KIF26B: variants seen among roughly 807,000 people sequenced by gnomAD.
KIF26B encodes the protein kinesin-like protein KIF26B.
In KIF26B, 63 loss-of-function variants were observed where a neutral mutation model predicts 151.2. The ratio of observed to expected loss-of-function variants is 0.42; its 90% CI spans 0.34 to 0.51. The LOEUF (loss-of-function observed/expected upper bound fraction) is 0.51, where lower values mean the gene tolerates loss of function less well. Ranked by LOEUF, KIF26B falls within the 20% of genes least tolerant of loss-of-function variation. The pLI is 0.07. For missense variants in KIF26B, 2,813 were observed against 2,913.6 expected, an observed-to-expected ratio of 0.97 and a Z score of 0.79; for synonymous variants, 1,357 against 1,262.1, an observed-to-expected ratio of 1.08 and a Z score of -1.59.
intron 2 of KIF26B, among the ~76,000 whole-genome samples, chr1:245,356,991 A>T (rs1672715302): frequency 6.6e-6 from 1 of 152,224 alleles, no homozygotes; most frequent in Non-Finnish European, 1.5e-5. Context: ...GAGGAACAGC[A>T]AGTACAATGT....
At chr1:245,311,372 G>A (rs369394187) in intron 2 of KIF26B, among the ~76,000 whole-genome samples, 1 of 151,998 alleles carries the variant, frequency 6.6e-6, no homozygotes, top group East Asian at 1.9e-4. Context: ...TCTTGTCATC[G>A]TCTCCTGTTA....
intron 10 of KIF26B, among the ~76,000 whole-genome samples, chr1:245,661,480 C>CAT (rs1264770030): frequency 2.0e-5 from 3 of 151,758 alleles, no homozygotes; most frequent in Non-Finnish European, 4.4e-5. Flanking sequence ...CATACACTCA[C>CAT]ATATATATGT....
intron 2 of KIF26B, among the ~76,000 whole-genome samples, chr1:245,306,077 A>C (rs1211432257): frequency 2.0e-5 from 3 of 152,232 alleles, no homozygotes; most frequent in Non-Finnish European, 1.5e-5. Flanking sequence ...AAAAACATGT[A>C]TCCACAAAAC....
At chr1:245,313,568 G>A (rs1311828945) in intron 2 of KIF26B, among the ~76,000 whole-genome samples, 1 of 152,220 alleles carries the variant, frequency 6.6e-6, no homozygotes, top group East Asian at 1.9e-4. Flanking sequence ...CTAGCCATGA[G>A]CACCACATGG....
At position 245,444,120 on chromosome 1, in the gene KIF26B, CGG is replaced by C. The variant is rs1659190811; in HGVS notation, c.1166+24376_1166+24377del. ...CATCTCCCTCACTGTTCACCTAGAG[CGG>C]TCATCTCCCTTACTGTTCACCTAGA... On this transcript the variant is annotated intron_variant, in intron 4 of 14. Coordinates refer to ENST00000407071, the MANE Select transcript of KIF26B (RefSeq NM_018012.4). Among the ~76,000 whole-genome samples the C allele has an allele frequency of 2.4e-5, 2 of 82,904 alleles. 1 individual carries two copies. Among genetic ancestry groups the C allele is most frequent in the Non-Finnish European group, 5.7e-5 (2 of 35,218 alleles). 54.4% of individuals were successfully genotyped at this position (82,904 alleles called of 152,430 possible). A position where few individuals can be genotyped will look rare whatever the true frequency, so the allele number is the denominator to read the frequency against.
At chr1:245,455,089 C>T (rs1659482962) in intron 4 of KIF26B, among the ~76,000 whole-genome samples, 1 of 152,186 alleles carries the variant, frequency 6.6e-6, no homozygotes, top group African/African-American at 2.4e-5. Context: ...GTTGTTTGCG[C>T]CTCTGCAGGC....
intron 2 of KIF26B, among the ~76,000 whole-genome samples, chr1:245,212,380 C>G (rs1265469692): frequency 6.6e-6 from 1 of 152,222 alleles, no homozygotes; most frequent in Admixed American, 6.5e-5. Context: ...CACCTGTTCT[C>G]TCCCACGTGA....
intron 10 of KIF26B, among the ~76,000 whole-genome samples, chr1:245,657,034 G>A (rs1472633567): frequency 3.3e-5 from 5 of 152,174 alleles, no homozygotes; most frequent in Non-Finnish European, 7.3e-5. Context: ...CGGCTTTTAA[G>A]AGACTTTATG....
At chr1:245,451,105 A>G (rs1481702956) in intron 4 of KIF26B, among the ~76,000 whole-genome samples, 1 of 151,148 alleles carries the variant, frequency 6.6e-6, no homozygotes, top group East Asian at 1.9e-4. Context: ...TTGCTACCTC[A>G]TTTATTTCTA....
chr1:245,465,227 C>A (rs1448810129), intron 4 of KIF26B, among the ~76,000 whole-genome samples: 1 of 152,210 alleles, frequency 6.6e-6, no homozygotes, highest in Non-Finnish European at 1.5e-5. Flanking sequence ...ATCCGCCCGC[C>A]TCGGCCTCCC....
chr1:245,509,004 G>A (rs1254691638), intron 4 of KIF26B, among the ~76,000 whole-genome samples: 2 of 152,184 alleles, frequency 1.3e-5, no homozygotes, highest in African/African-American at 4.8e-5. Context: ...TGAAAATAGT[G>A]TGTGAAATGG....
chr1:245,390,943 A>AAACAAAAC (rs1553270128), intron 3 of KIF26B, among the ~76,000 whole-genome samples: 37 of 118,428 alleles, frequency 3.1e-4, no homozygotes, highest in African/African-American at 1.4e-3. Context: ...AAAAAAAAAA[A>AAACAAAAC]AAAAAAAAAC....
intron 9 of KIF26B, among the ~76,000 whole-genome samples, chr1:245,618,718 T>C (rs1357027268): frequency 6.2e-5 from 8 of 128,962 alleles, no homozygotes; most frequent in South Asian, 2.7e-4. Flanking sequence ...GGGCTGTGTC[T>C]GCTACGTGCT....
At chr1:245,447,920 G>GTAA (rs1428047168) in intron 4 of KIF26B, among the ~76,000 whole-genome samples, 1 of 152,244 alleles carries the variant, frequency 6.6e-6, no homozygotes, top group Admixed American at 6.5e-5. Flanking sequence ...TTATGGACCT[G>GTAA]TAACACTACT....
Position 245,611,788 on chromosome 1 carries a change from TC to T in KIF26B, c.1915-3del, listed in dbSNP as rs1355345819. ...CAGCCTCATCTCTTGGCTTCTGTCT[TC>T]CAGCTGCAGAACCAGAGCGAGCTGC... is the stretch of plus-strand genomic sequence containing the variant. On this transcript the variant is annotated splice_region_variant and splice_polypyrimidine_tract_variant and intron_variant, in intron 8 of 14. Coordinates refer to ENST00000407071, the MANE Select transcript of KIF26B (RefSeq NM_018012.4). 1 of 1,612,946 alleles carries T rather than the reference TC, an allele frequency of 6.2e-7. No homozygotes were observed. Among genetic ancestry groups the T allele is most frequent in the Non-Finnish European group, 8.5e-7 (1 of 1,179,680 alleles).
intron 9 of KIF26B, among the ~76,000 whole-genome samples, chr1:245,642,616 G>C (rs2043905562): frequency 6.6e-6 from 1 of 150,562 alleles, no homozygotes; most frequent in Admixed American, 6.6e-5. Flanking sequence ...TGCCACATTG[G>C]CTCAAATGGG....
intron 2 of KIF26B, among the ~76,000 whole-genome samples, chr1:245,341,100 G>T (rs532552597): frequency 2.6e-5 from 4 of 151,950 alleles, no homozygotes; most frequent in Non-Finnish European, 5.9e-5. Context: ...TTTTCCCTTG[G>T]GGTGAGTCTA....
chr1:245,422,228 A>G (rs1658507410), intron 4 of KIF26B, among the ~76,000 whole-genome samples: 1 of 152,216 alleles, frequency 6.6e-6, no homozygotes, highest in East Asian at 1.9e-4. Flanking sequence ...AGGGTTTACA[A>G]TGTACAGTGG....
intron 5 of KIF26B, among the ~76,000 whole-genome samples, chr1:245,544,728 A>G (rs1481105793): frequency 6.6e-6 from 1 of 152,200 alleles, no homozygotes; most frequent in Non-Finnish European, 1.5e-5. Context: ...TAGCAAAATA[A>G]CGTTGGGAAC....
Sources: allele counts gnomAD v4.1 joint callset (sites outside exome capture counted in the v4.1 genomes callset), GRCh38; gene constraint gnomAD v4.1.1; transcripts MANE v1.5; gene names NCBI Gene and HGNC (gene_info 2026-07-23, HGNC 2026-07-21).